The following PPFIA2 variants were observed in gnomAD, a reference collection of about 807,000 sequenced individuals.
The protein encoded by PPFIA2 is liprin-alpha-2.
A neutral mutation model predicts 175.5 loss-of-function variants in PPFIA2; 46 were observed. That is an observed-to-expected ratio of 0.26 (90% CI 0.21 to 0.34). The LOEUF (loss-of-function observed/expected upper bound fraction) is 0.34, where lower values mean the gene tolerates loss of function less well. Among genes scored for constraint, PPFIA2 ranks in the 10% least tolerant of loss-of-function variants. The pLI is 1.00. For missense variants in PPFIA2, 1,179 were observed against 1,506.1 expected (o/e 0.78, Z 3.60); for synonymous variants, 568 against 511.4 (o/e 1.11, Z -1.49).
chr12:81,336,304 G>T (rs868409579), intron 21 of PPFIA2, among the ~76,000 whole-genome samples: 1 of 152,126 alleles, frequency 6.6e-6, no homozygotes, highest in Admixed American at 6.6e-5. Flanking sequence ...TCAATACAGT[G>T]CTTCCTTTGA....
chr12:81,505,361 GT>G (rs573567857), intron 4 of PPFIA2, among the ~76,000 whole-genome samples: 4 of 152,138 alleles, frequency 2.6e-5, no homozygotes, highest in Non-Finnish European at 5.9e-5. Context: ...TATGTTGAAA[GT>G]AATGGTAGAG....
intron 4 of PPFIA2, chr12:81,598,232 C>A: frequency 3.0e-6 from 4 of 1,347,296 alleles, no homozygotes; most frequent in South Asian, 1.9e-5. Flanking sequence ...CATCAGCCAC[C>A]GACCTTTTGT....
At chr12:81,613,453 G>A (rs2061134881) in intron 4 of PPFIA2, among the ~76,000 whole-genome samples, 1 of 152,012 alleles carries the variant, frequency 6.6e-6, no homozygotes, top group Non-Finnish European at 1.5e-5. Flanking sequence ...CTTTTTGTTA[G>A]CAACTGTTAA....
intron 25 of PPFIA2, among the ~76,000 whole-genome samples, chr12:81,283,570 C>T (rs1262309579): frequency 6.6e-6 from 1 of 151,870 alleles, no homozygotes; most frequent in African/African-American, 2.4e-5. Context: ...GTGTTTTTAT[C>T]CTTAACAAAC....
chr12:81,570,142 C>A (rs899552603), intron 4 of PPFIA2, among the ~76,000 whole-genome samples: 2 of 152,058 alleles, frequency 1.3e-5, no homozygotes, highest in South Asian at 4.1e-4. Flanking sequence ...TGATGGCTAA[C>A]CATATGGTTA....
intron 19 of PPFIA2, among the ~76,000 whole-genome samples, chr12:81,343,437 C>T (rs1430204538): frequency 1.3e-5 from 2 of 151,920 alleles, no homozygotes; most frequent in African/African-American, 4.8e-5. Context: ...GGAGAAGAGG[C>T]TATAGGTAGA....
At chr12:81,405,423 GTACATATATA>G (rs2042761622) in intron 8 of PPFIA2, among the ~76,000 whole-genome samples, 1 of 151,412 alleles carries the variant, frequency 6.6e-6, no homozygotes, top group African/African-American at 2.4e-5. Context: ...GCCTATATAT[GTACATATATA>G]TACATATGCC....
At chr12:81,648,107 G>T (rs2066450863) in intron 4 of PPFIA2, among the ~76,000 whole-genome samples, 1 of 150,892 alleles carries the variant, frequency 6.6e-6, no homozygotes, top group African/African-American at 2.4e-5. Context: ...TAGTAAAGGA[G>T]TAAGGTTAGT....
chr12:81,515,392 C>A (rs2062299790), intron 4 of PPFIA2, among the ~76,000 whole-genome samples: 2 of 151,926 alleles, frequency 1.3e-5, no homozygotes, highest in Admixed American at 1.3e-4. Context: ...ACATACAAAT[C>A]TAAAAGCATA....
intron 30 of PPFIA2, among the ~76,000 whole-genome samples, chr12:81,264,740 TG>T: frequency 6.6e-6 from 1 of 152,340 alleles, no homozygotes; most frequent in Non-Finnish European, 1.5e-5. Context: ...ATCTACATTT[TG>T]TTTCAGTGTG....
At chr12:81,528,208 AAC>A (rs2063977915) in intron 4 of PPFIA2, among the ~76,000 whole-genome samples, 1 of 152,094 alleles carries the variant, frequency 6.6e-6, no homozygotes, top group Admixed American at 6.6e-5. Flanking sequence ...GGCAGTCACC[AAC>A]AATAGACAGA....
At chr12:81,271,850 A>AT (rs562400429) in intron 28 of PPFIA2, among the ~76,000 whole-genome samples, 16 of 151,838 alleles carry the variant, frequency 1.1e-4, no homozygotes, top group African/African-American at 3.4e-4. Context: ...TCATGTGTGC[A>AT]TTTTTTTATT....
chr12:81,439,951 G>T, intron 7 of PPFIA2, 21 bp downstream of exon 7: 1 of 1,595,510 alleles, frequency 6.3e-7, no homozygotes, highest in Non-Finnish European at 8.5e-7. Context: ...CCTCAAAAGA[G>T]GAGAAAGTGT....
rs116636697 is a variant in PPFIA2 at position 81,331,938 on chromosome 12, T to C, written c.2549-6068A>G. Among the ~76,000 whole-genome samples, 653 of 152,298 alleles carry C rather than the reference T, an allele frequency of 4.3e-3. 7 individuals are homozygous for C. Among genetic ancestry groups the C allele is most frequent in the African/African-American group, 0.015 (628 of 41,570 alleles). ...CATTGTAATTATTAGTAGAGCTCTG[T>C]GAAGACTCAAAAGAGTTGGTGTTTC... On this transcript the variant is annotated intron_variant, in intron 21 of 32. Transcript: ENST00000549396.
At chr12:81,494,966 GA>G (rs1316090611) in intron 4 of PPFIA2, among the ~76,000 whole-genome samples, 1 of 106,210 alleles carries the variant, frequency 9.4e-6, no homozygotes, top group Non-Finnish European at 1.8e-5. Context: ...AGGGGGGAGG[GA>G]TAGCATTAGG....
chr12:81,742,541 A>G (rs2082451666), intron 3 of PPFIA2, among the ~76,000 whole-genome samples: 1 of 152,212 alleles, frequency 6.6e-6, no homozygotes, highest in Admixed American at 6.5e-5. Flanking sequence ...ATTAATTGAG[A>G]TGTCAAAGAC....
chr12:81,383,509 A>AT lies in PPFIA2; in HGVS notation c.984+513dup, dbSNP rs368737160. On this transcript the variant is annotated intron_variant, in intron 9 of 32. Transcript: ENST00000549396. Reference sequence around the variant, plus strand: ...AGACTGAGAAATGACTAAAGTACTCATTTTTTTAAGTAGAAAAAGGGATGT... The same window carrying AT: ...AGACTGAGAAATGACTAAAGTACTCATTTTTTTTAAGTAGAAAAAGGGATGT... 1.5e-4 allele frequency among the ~76,000 whole-genome samples: 23 copies of AT among 152,124 alleles called. No homozygotes were observed. In the East Asian group the frequency reaches 1.7e-3, roughly 12 times the overall value.
intron 4 of PPFIA2, among the ~76,000 whole-genome samples, chr12:81,460,923 C>T (rs116683166): frequency 3.9e-4 from 59 of 152,184 alleles, no homozygotes; most frequent in African/African-American, 1.4e-3. Flanking sequence ...TGAACCCAGA[C>T]AATCTAACTC....
At chr12:81,740,365 A>C (rs1359825761) in intron 3 of PPFIA2, among the ~76,000 whole-genome samples, 1 of 152,188 alleles carries the variant, frequency 6.6e-6, no homozygotes, top group East Asian at 1.9e-4. Flanking sequence ...AACAGCAAGT[A>C]GTAAGGGTTT....
Sources: allele counts gnomAD v4.1 joint callset (sites outside exome capture counted in the v4.1 genomes callset), GRCh38; gene constraint gnomAD v4.1.1; transcripts MANE v1.5; gene names NCBI Gene and HGNC (gene_info 2026-07-23, HGNC 2026-07-21).